The following FBXO2 variants were observed in gnomAD, a reference collection of about 807,000 sequenced individuals.
FBXO2 encodes the protein F-box only protein 2.
In FBXO2, 32 loss-of-function variants were observed where a neutral mutation model predicts 38.6. That is an observed-to-expected ratio of 0.83 (90% CI 0.62 to 1.11). The LOEUF is 1.11. Ranked by LOEUF, FBXO2 falls within the 50% of genes most tolerant of loss-of-function variation. The pLI is 0.00. For missense variants in FBXO2, 450 were observed against 418.3 expected (o/e 1.08, Z -0.66); for synonymous variants, 189 against 182.9 (o/e 1.03, Z -0.27).
chr1:11,649,462 C>T, intron 4 of FBXO2: 3 of 596,088 alleles, frequency 5.0e-6, no homozygotes, highest in South Asian at 2.0e-5. Context: ...TTGGCCAGAC[C>T]CCAGCTTGGG....
At chr1:11,651,617 C>T (rs1427199412) in intron 1 of FBXO2, among the ~76,000 whole-genome samples, 1 of 152,178 alleles carries the variant, frequency 6.6e-6, no homozygotes, top group Non-Finnish European at 1.5e-5. Flanking sequence ...GATTTGAACC[C>T]AGACAGCCTG....
chr1:11,650,439 T>C (rs1639495337), intron 2 of FBXO2, 27 bp downstream of exon 2: 4 of 1,599,556 alleles, frequency 2.5e-6, no homozygotes, highest in Non-Finnish European at 2.6e-6. Context: ...CAGGGGAAGC[T>C]GAGCTCGCCC....
In FBXO2 at chr1:11,649,069, T is replaced by C. The variant is rs778948191; in HGVS notation, c.756+18A>G. 1.3e-6 allele frequency: 2 copies of C among 1,525,676 alleles called. No homozygotes were observed. Among genetic ancestry groups the C allele is most frequent in the African/African-American group, 1.4e-5 (1 of 72,904 alleles). 94.5% of individuals were successfully genotyped at this position (1,525,676 alleles called of 1,614,324 possible). On this transcript the variant is annotated intron_variant, in intron 5 of 5. Transcript: ENST00000354287. ...ATGTCCGTGCCCCACCCCTCCGCCC[T>C]GGGTCCCCCAGGCTCACCTCCATCC... is the stretch of plus-strand genomic sequence containing the variant.
intron 1 of FBXO2, among the ~76,000 whole-genome samples, chr1:11,652,647 C>A (rs1639545216): frequency 1.3e-5 from 2 of 152,202 alleles, no homozygotes; most frequent in Admixed American, 1.3e-4. Flanking sequence ...GAGACGGGGC[C>A]ACTCTGGGTG....
intron 1 of FBXO2, chr1:11,653,964 A>C: frequency 8.1e-6 from 2 of 247,300 alleles, no homozygotes; most frequent in Non-Finnish European, 1.6e-5. Flanking sequence ...CAGAGCTGGA[A>C]GAGCTGATGA....
intron 1 of FBXO2, chr1:11,653,890 A>T (rs898353287): frequency 3.0e-5 from 5 of 163,986 alleles, no homozygotes; most frequent in Non-Finnish European, 6.6e-5. Flanking sequence ...GGAGGAAGGC[A>T]GGAATAGGTG....
chr1:11,653,767 A>T (rs1639589725), intron 1 of FBXO2, among the ~76,000 whole-genome samples: 1 of 152,164 alleles, frequency 6.6e-6, no homozygotes, highest in African/African-American at 2.4e-5. Context: ...CAGCCTGGGA[A>T]GGCCCTGAGC....
intron 4 of FBXO2, 35 bp from the exon 5 acceptor site, chr1:11,649,260 A>C: frequency 1.9e-5 from 2 of 104,220 alleles, no homozygotes; most frequent in Non-Finnish European, 3.5e-5. Flanking sequence ...GGGGGGCGGG[A>C]GGTGGGGTGG....
In FBXO2 at chr1:11,650,497, G is replaced by GCGC; in HGVS notation, c.357_359dup (p.Arg121dup). ...CACACGGGTTACGCAGAAGGTTGCGGCGCCGCTTGCTCAGGAAGTAGAACT... is the reference window on the plus strand; with the variant it reads ...CACACGGGTTACGCAGAAGGTTGCGGCGCCGCCGCTTGCTCAGGAAGTAGAACT... On this transcript the variant is annotated inframe_insertion, in exon 2 of 6. Transcript: ENST00000354287. The GCGC allele has an allele frequency of 5.0e-6, 8 of 1,608,540 alleles. No individual in the cohort carries two copies. Among genetic ancestry groups the GCGC allele is most frequent in the Non-Finnish European group, 6.8e-6 (8 of 1,178,330 alleles).
In FBXO2 at chr1:11,649,774, C is replaced by G; in HGVS notation, c.617+5G>C. The G allele has an allele frequency of 6.2e-7, 1 of 1,613,782 alleles. No homozygotes were observed. Among genetic ancestry groups the G allele is most frequent in the Non-Finnish European group, 8.5e-7 (1 of 1,179,942 alleles). On this transcript the variant is annotated splice_donor_5th_base_variant and intron_variant, in intron 4 of 5. Transcript: ENST00000354287. ...CAGCCCCATGCCACCCCAGGACCCT[C>G]TCACCAGTCCTTCACCACGATGGCC...
In FBXO2 at chr1:11,648,936, G is replaced by C. The variant is rs1263036638; in HGVS notation, c.757-108C>G. ...CAGCTCCCCCACTCGGTTTCTCCGC[G>C]GTATTCAGAACTCTCTCCACCACCC... On this transcript the variant is annotated intron_variant, in intron 5 of 5. Coordinates refer to ENST00000354287, the MANE Select transcript of FBXO2 (RefSeq NM_012168.6). This position sits in a 1 kb window ranked among gnomAD's most constrained non-coding sequence, Gnocchi z 4.2. 6.5e-7 allele frequency: 1 copy of C among 1,527,996 alleles called. No homozygotes were observed. Among genetic ancestry groups the C allele is most frequent in the African/African-American group, 1.4e-5 (1 of 73,366 alleles). The allele number at this position is 1,527,996 out of a possible 1,614,324, so 94.7% of individuals were successfully genotyped here.
chr1:11,648,955 A>G lies in FBXO2; in HGVS notation c.757-127T>C, dbSNP rs533600787. The G allele has an allele frequency of 3.4e-6, 5 of 1,455,282 alleles. No homozygotes were observed. In the South Asian group the frequency reaches 3.8e-5, roughly 11 times the overall value. The allele number at this position is 1,455,282 out of a possible 1,614,324, so 90.1% of individuals were successfully genotyped here. A position where few individuals can be genotyped will look rare whatever the true frequency, so the allele number is the denominator to read the frequency against. Reference sequence around the variant, plus strand: ...CTCCGCGGTATTCAGAACTCTCTCCACCACCCGGTGACTATCTCAGCCCAG... The same window carrying G: ...CTCCGCGGTATTCAGAACTCTCTCCGCCACCCGGTGACTATCTCAGCCCAG... On this transcript the variant is annotated intron_variant, in intron 5 of 5. Coordinates refer to ENST00000354287, the MANE Select transcript of FBXO2 (RefSeq NM_012168.6). The surrounding 1 kb of genome is among the most constrained non-coding windows in gnomAD (Gnocchi z 4.2).
chr1:11,651,969 G>T (rs1054559644), intron 1 of FBXO2, among the ~76,000 whole-genome samples: 4 of 152,226 alleles, frequency 2.6e-5, no homozygotes, highest in Non-Finnish European at 4.4e-5. Context: ...AAAGTGCTGG[G>T]ATTAAAGGCG....
Position 11,648,607 on chromosome 1 carries a change from G to A in FBXO2, c.*87C>T. 1 of 1,521,542 alleles carries A rather than the reference G, an allele frequency of 6.6e-7. No individual in the cohort carries two copies. Among genetic ancestry groups the A allele is most frequent in the African/African-American group, 1.4e-5 (1 of 73,584 alleles). The allele number at this position is 1,521,542 out of a possible 1,614,324, so 94.3% of individuals were successfully genotyped here. A position where few individuals can be genotyped will look rare whatever the true frequency, so the allele number is the denominator to read the frequency against. ...GAGGAGGATGTGTGGCTTGGGGAAG[G>A]TGAGGACGCTATGGACTAAGTTAAG... On this transcript the variant is annotated 3_prime_UTR_variant, in exon 6 of 6. Transcript: ENST00000354287. This position sits in a 1 kb window ranked among gnomAD's most constrained non-coding sequence, Gnocchi z 4.2.
intron 1 of FBXO2, 146 bp from the exon 2 acceptor site, chr1:11,650,980 C>T: frequency 8.0e-7 from 1 of 1,257,628 alleles, no homozygotes. Context: ...CATACTGGTG[C>T]CCAAGGAGGA....
chr1:11,654,347 G>A lies in FBXO2; in HGVS notation c.-7C>T. 1 of 1,440,810 alleles carries A rather than the reference G, an allele frequency of 6.9e-7. No homozygotes were observed. Among genetic ancestry groups the A allele is most frequent in the East Asian group, 3.0e-5 (1 of 32,940 alleles). The allele number at this position is 1,440,810 out of a possible 1,614,324, so 89.3% of individuals were successfully genotyped here. On this transcript the variant is annotated 5_prime_UTR_variant, in exon 1 of 6. Coordinates refer to ENST00000354287, the MANE Select transcript of FBXO2 (RefSeq NM_012168.6). The stretch of plus-strand genomic sequence containing the variant: ...GGTCACCGTCTCCGTCCATCGCTGC[G>A]GAGGGCGGTCGCGAGAGGAGGAGCC...
intron 4 of FBXO2, 23 bp downstream of exon 4, chr1:11,649,756 A>G (rs765437441): frequency 4.7e-5 from 76 of 1,608,998 alleles, no homozygotes; most frequent in Non-Finnish European, 5.9e-5. Flanking sequence ...TCCCAGCCCC[A>G]TGCCACCCCA....
chr1:11,649,560 G>A, intron 4 of FBXO2: 1 of 596,696 alleles, frequency 1.7e-6, no homozygotes, highest in East Asian at 2.8e-5. Flanking sequence ...ACATATATAT[G>A]TGCATATATT....
rs1261099171 is a variant in FBXO2 at position 11,650,783 on chromosome 1, G to C, written c.74C>G (p.Ala25Gly). The C allele has an allele frequency of 1.2e-5, 18 of 1,535,788 alleles. No individual in the cohort carries two copies. Among genetic ancestry groups the C allele is most frequent in the Non-Finnish European group, 1.6e-5 (18 of 1,146,732 alleles). Residue 25 changes from alanine (A) to glycine (G), a missense_variant, in exon 2 of 6, where the codon GCG (alanine) becomes GGG (glycine). Ala to Gly is a moderately conservative substitution (Grantham distance 60). Transcript: ENST00000354287. ...EASPEEQPEE[A>G]SAEEERPEDQ... The stretch of plus-strand genomic sequence containing the variant: ...CTCCGGCCGCTCCTCCTCAGCACTC[G>C]CCTCCTCTGGCTGCTCCTCCGGGCT...
Sources: allele counts gnomAD v4.1 joint callset (sites outside exome capture counted in the v4.1 genomes callset), GRCh38; gene constraint gnomAD v4.1.1; non-coding constraint Gnocchi (gnomAD v3.1); transcripts MANE v1.5; gene names NCBI Gene and HGNC (gene_info 2026-07-23, HGNC 2026-07-21).